The following KANSL1 variants were observed in gnomAD, a reference collection of about 807,000 sequenced individuals.
KANSL1 encodes KAT8 regulatory NSL complex subunit 1.
In KANSL1, 22 loss-of-function variants were observed where a neutral mutation model predicts 103.6. The ratio of observed to expected loss-of-function variants is 0.21; its 90% CI spans 0.15 to 0.30. KANSL1 has a LOEUF of 0.30. Ranked by LOEUF, KANSL1 falls within the 10% of genes least tolerant of loss-of-function variation. KANSL1 has a pLI of 1.00. For synonymous variants in KANSL1, 600 were observed against 527.6 expected (o/e 1.14, Z -1.88); for missense variants, 1,337 against 1,399.8 (o/e 0.96, Z 0.72).
intron 2 of KANSL1, among the ~76,000 whole-genome samples, chr17:46,155,712 A>G (rs1205749378): frequency 6.6e-6 from 1 of 152,216 alleles, no homozygotes; most frequent in East Asian, 1.9e-4. Flanking sequence ...AAAACCACAT[A>G]AACACAGAAG....
intron 2 of KANSL1, among the ~76,000 whole-genome samples, chr17:46,137,699 T>TAA (rs199737620): frequency 1.3e-5 from 2 of 150,322 alleles, no homozygotes; most frequent in Non-Finnish European, 3.0e-5. Flanking sequence ...CCGTCTCTAC[T>TAA]AAAAAAAAAT....
intron 3 of KANSL1, among the ~76,000 whole-genome samples, chr17:46,084,871 CT>C (rs1410223929): frequency 1.3e-5 from 2 of 151,952 alleles, no homozygotes; most frequent in African/African-American, 4.8e-5. Context: ...TAAGATATAC[CT>C]TACAAACTTT....
chr17:46,083,408 C>T (rs970623373), intron 3 of KANSL1, among the ~76,000 whole-genome samples: 2 of 152,124 alleles, frequency 1.3e-5, no homozygotes, highest in Admixed American at 6.5e-5. Flanking sequence ...GATTAAGAAG[C>T]TCTTAATGGA....
chr17:46,077,255 G>T (rs1052645972), intron 4 of KANSL1, among the ~76,000 whole-genome samples: 16 of 152,132 alleles, frequency 1.1e-4, no homozygotes, highest in South Asian at 4.1e-4. Context: ...GTTTCGTCAG[G>T]TTGCTGGAGC....
intron 1 of KANSL1, among the ~76,000 whole-genome samples, chr17:46,183,672 C>T (rs893743311): frequency 1.3e-5 from 2 of 151,268 alleles, no homozygotes; most frequent in African/African-American, 4.9e-5. Context: ...GGAGTAGGGC[C>T]GGGAGAGGTG....
chr17:46,088,213 G>A (rs2079238173), intron 3 of KANSL1, among the ~76,000 whole-genome samples: 1 of 152,068 alleles, frequency 6.6e-6, no homozygotes, highest in Non-Finnish European at 1.5e-5. Context: ...TGACTCCTCT[G>A]TGGATGAACC....
intron 2 of KANSL1, among the ~76,000 whole-genome samples, chr17:46,109,531 C>T (rs574395816): frequency 6.6e-6 from 1 of 151,968 alleles, no homozygotes; most frequent in South Asian, 2.1e-4. Context: ...AAACCACACC[C>T]CCACCAAAAA....
chr17:46,143,803 C>CAAAAAAAGAAAAAAAAAAAAAAAAAAAAA (rs2044550430), intron 2 of KANSL1, among the ~76,000 whole-genome samples: 1 of 85,536 alleles, frequency 1.2e-5, no homozygotes, highest in Non-Finnish European at 2.0e-5. Context: ...GACTCCATCT[C>CAAAAAAAGAAAAAAAAAAAAAAAAAAAAA]AAAAAAAAAA....
intron 3 of KANSL1, among the ~76,000 whole-genome samples, chr17:46,090,113 A>C (rs1314199665): frequency 6.6e-6 from 1 of 152,208 alleles, no homozygotes; most frequent in Non-Finnish European, 1.5e-5. Flanking sequence ...GGAAATCTAC[A>C]CAGATGCAAA....
intron 4 of KANSL1, among the ~76,000 whole-genome samples, chr17:46,074,560 T>C (rs534455695): frequency 3.9e-5 from 6 of 152,106 alleles, no homozygotes; most frequent in African/African-American, 1.2e-4. Flanking sequence ...TATAAGACAG[T>C]CATTTATTCC....
chr17:46,207,747 G>A (rs1439885438), intron 1 of KANSL1, among the ~76,000 whole-genome samples: 4 of 152,184 alleles, frequency 2.6e-5, no homozygotes, highest in African/African-American at 7.2e-5. Flanking sequence ...GGAGGCCAAG[G>A]TGCGGGGACT....
intron 2 of KANSL1, among the ~76,000 whole-genome samples, chr17:46,163,173 A>G (rs1311141567): frequency 6.6e-6 from 1 of 152,210 alleles, no homozygotes; most frequent in African/African-American, 2.4e-5. Context: ...TATATTCCCC[A>G]TGAGGGCAAG....
chr17:46,052,815 T>C (rs1425672788), intron 6 of KANSL1, among the ~76,000 whole-genome samples: 6 of 97,922 alleles, frequency 6.1e-5, no homozygotes, highest in Non-Finnish European at 1.1e-4. Flanking sequence ...AAAAAAAAAA[T>C]TTAGCCCAGC....
chr17:46,125,062 GGAGGGAGGAGGGAGGGAGGGAGA>G (rs2043474162), intron 2 of KANSL1, among the ~76,000 whole-genome samples: 1 of 47,874 alleles, frequency 2.1e-5, no homozygotes, highest in Non-Finnish European at 5.2e-5. Context: ...GAGGGAGGAG[GGAGGGAGGAGGGAGGGAGGGAGA>G]GAGGGAGGGA....
At chr17:46,040,240 C>T (rs1209138658) in intron 7 of KANSL1, 8 of 269,834 alleles carry the variant, frequency 3.0e-5, no homozygotes, top group South Asian at 7.4e-5. Flanking sequence ...TCTTTTCTAT[C>T]AATATAAAGT....
chr17:46,047,628 G>A (rs138346632), intron 7 of KANSL1, among the ~76,000 whole-genome samples: 10 of 151,868 alleles, frequency 6.6e-5, no homozygotes, highest in African/African-American at 1.7e-4. Context: ...TGTAGGGGGC[G>A]GGAGGCGGGG....
Position 46,171,426 on chromosome 17 carries a change from G to A in KANSL1, c.718C>T (p.Pro240Ser), listed in dbSNP as rs750683583. ...AATCTACTGCTTCCTTGAAGTGCCG[G>A]CTGTTCCATGGAATTGACAGAGGAT... ...NKSSVNSMEQ[P>S]ALQGSSRLSP... is the part of the protein sequence containing the mutation. The change falls in exon 2 of 15, where the codon CCG becomes TCG. Residue 240 changes from proline to serine, a missense_variant. Physicochemically the swap from Pro to Ser is moderately conservative, Grantham distance 74. Around this residue, in one of 2 missense-constraint regions of KANSL1, gnomAD observed 557 missense variants for 476.4 expected, o/e 1.17. Transcript: ENST00000432791. The A allele has an allele frequency of 9.9e-6, 16 of 1,614,074 alleles. No homozygotes were observed. The highest frequency in any genetic ancestry group is 1.3e-5 in the Non-Finnish European group (15 of 1,179,998).
At chr17:46,214,155 A>C (rs1235805656) in intron 1 of KANSL1, among the ~76,000 whole-genome samples, 1 of 152,250 alleles carries the variant, frequency 6.6e-6, no homozygotes, top group Non-Finnish European at 1.5e-5. Context: ...CATTCAAAGA[A>C]AGAGTATTAA....
At chr17:46,120,399 A>C (rs888426224) in intron 2 of KANSL1, among the ~76,000 whole-genome samples, 2 of 148,178 alleles carry the variant, frequency 1.3e-5, no homozygotes, top group Non-Finnish European at 3.1e-5. Flanking sequence ...TTTTAGTCTA[A>C]GTAAAAGCAG....
Sources: gnomAD v4.1 joint callset for allele counts (sites outside exome capture counted in the v4.1 genomes callset) on GRCh38, gnomAD v4.1.1 for gene constraint, gnomAD v4.1.1 regional missense constraint, MANE v1.5 for transcripts, NCBI Gene and HGNC (gene_info 2026-07-23, HGNC 2026-07-21) for gene names.